Variants in NIN observed in about 807,000 individuals in gnomAD.
The protein encoded by NIN is ninein.
A neutral mutation model predicts 257.6 loss-of-function variants in NIN; 137 were observed. The ratio of observed to expected loss-of-function variants is 0.53; its 90% CI spans 0.46 to 0.61. The LOEUF is 0.61. NIN is among the 20% of genes least tolerant of loss of function. The pLI is 0.00. For missense variants in NIN, 2,439 were observed against 2,501.2 expected, an observed-to-expected ratio of 0.98 and a Z score of 0.53; for synonymous variants, 918 against 919.8, an observed-to-expected ratio of 1.00 and a Z score of 0.04.
At position 50,754,799 on chromosome 14, in the gene NIN, T is replaced by C. The variant is rs750540027; in HGVS notation, c.4607A>G (p.Glu1536Gly). The C allele has an allele frequency of 6.9e-6, 11 of 1,583,376 alleles. No individual in the cohort carries two copies. Among genetic ancestry groups the C allele is most frequent in the Non-Finnish European group, 9.5e-6 (11 of 1,161,732 alleles). ...LRNEITTLNE[E>G]DSISNLKLGT... ...TAATTTCAGGTTAGAAATGCTATCT[T>C]CTTCATTTAAAGTAGTAATTTCATT... The change falls in exon 19 of 31, where the codon GAA becomes GGA. Residue 1536 changes from glutamate (E) to glycine (G), a missense_variant. Transcript: ENST00000530997.
chr14:50,785,574 C>T (rs897407169), intron 5 of NIN, among the ~76,000 whole-genome samples: 5 of 152,170 alleles, frequency 3.3e-5, no homozygotes, highest in African/African-American at 1.2e-4. Flanking sequence ...CCCAAACAAA[C>T]TGAGCTGTAG....
intron 5 of NIN, among the ~76,000 whole-genome samples, chr14:50,787,756 C>T (rs749243919): frequency 2.0e-5 from 3 of 152,186 alleles, no homozygotes; most frequent in Non-Finnish European, 4.4e-5. Flanking sequence ...CTACCTGTCA[C>T]TTATGAATTA....
intron 5 of NIN, among the ~76,000 whole-genome samples, chr14:50,788,352 T>G (rs2043434374): frequency 6.6e-6 from 1 of 152,310 alleles, no homozygotes; most frequent in East Asian, 1.9e-4. Flanking sequence ...ACAGTGGACT[T>G]ACATTAAATA....
intron 3 of NIN, among the ~76,000 whole-genome samples, chr14:50,816,252 GATGCCAGGCTTA>G (rs1419387969): frequency 6.6e-6 from 1 of 152,096 alleles, no homozygotes; most frequent in Non-Finnish European, 1.5e-5. Flanking sequence ...ATTGCTAATG[GATGCCAGGCTTA>G]ATACCTAGGT....
At chr14:50,725,422 C>T (rs1211683474) in intron 30 of NIN, among the ~76,000 whole-genome samples, 1 of 152,116 alleles carries the variant, frequency 6.6e-6, no homozygotes, top group Admixed American at 6.6e-5. Flanking sequence ...GGTCTAGATT[C>T]TAACTCAAAG....
At chr14:50,730,717 A>G (rs572018667) in intron 28 of NIN, among the ~76,000 whole-genome samples, 1 of 152,362 alleles carries the variant, frequency 6.6e-6, no homozygotes, top group South Asian at 2.1e-4. Context: ...ATTTTATATC[A>G]GTGGGATAAT....
At chr14:50,759,555 G>A (rs1024567970) in intron 17 of NIN, among the ~76,000 whole-genome samples, 2 of 151,172 alleles carry the variant, frequency 1.3e-5, no homozygotes, top group Non-Finnish European at 2.9e-5. Context: ...GTGCAGTAGC[G>A]CGATCTCGGC....
chr14:50,760,406 C>G (rs775476298), intron 16 of NIN, 47 bp from the exon 17 acceptor site: 2 of 1,059,978 alleles, frequency 1.9e-6, no homozygotes, highest in Non-Finnish European at 2.7e-6. Context: ...AGCTCAAGGT[C>G]ACTGAAAGTG....
At chr14:50,726,622 T>A (rs551185252) in intron 29 of NIN, among the ~76,000 whole-genome samples, 2 of 152,354 alleles carry the variant, frequency 1.3e-5, no homozygotes, top group Admixed American at 1.3e-4. Flanking sequence ...TTCCCACTTG[T>A]AAATGTGAAG....
At chr14:50,725,041 C>G (rs1311967702) in intron 30 of NIN, among the ~76,000 whole-genome samples, 5 of 152,152 alleles carry the variant, frequency 3.3e-5, no homozygotes, top group Non-Finnish European at 2.9e-5. Flanking sequence ...GGACCTGGCC[C>G]ACAGTAACTA....
chr14:50,757,835 G>T lies in NIN; in HGVS notation c.3195C>A (p.Asp1065Glu), dbSNP rs374552297. 3.1e-6 allele frequency: 5 copies of T among 1,613,970 alleles called. No homozygotes were observed. The highest frequency in any genetic ancestry group is 4.2e-6 in the Non-Finnish European group (5 of 1,180,038). Residue 1065 changes from aspartate (D) to glutamate (E), a missense_variant, in exon 18 of 31, where the codon GAC becomes GAA. Transcript: ENST00000530997. ...GAGCTCTCTGCAGGCTTAAGAGGAC[G>T]TCCCCATTTTCTTCCAACAGCTGCT... ...QGEQLLEENG[D>E]VLLSLQRAHE...
intron 18 of NIN, among the ~76,000 whole-genome samples, chr14:50,755,687 CAG>C (rs2041996298): frequency 8.9e-6 from 1 of 112,298 alleles, no homozygotes; most frequent in Non-Finnish European, 1.7e-5. Flanking sequence ...TTAAAAGAGA[CAG>C]GGTCTCACTC....
rs749619561 is a variant in NIN, at chr14:50,729,599, A to G, written c.6002T>C (p.Leu2001Pro). The G allele has an allele frequency of 3.1e-6, 5 of 1,614,114 alleles. No individual in the cohort carries two copies. Among genetic ancestry groups the G allele is most frequent in the Non-Finnish European group, 4.2e-6 (5 of 1,179,992 alleles). ...CTGGTTTATCCTTTCTGCCTGCAGC[A>G]GCTGGCGTTGAAGCTGCAGAAACTG... ...REQFLQLQRQ[L>P]LQAERINQHL... Residue 2001 changes from leucine to proline, a missense_variant, in exon 29 of 31, where the codon CTG becomes CCG. Leu to Pro is a moderately conservative substitution (Grantham distance 98, BLOSUM62 -3). This residue lies in a region of NIN where 2,043 missense variants were observed against 2,050.2 expected (regional missense o/e 1.00). Coordinates refer to ENST00000530997, the MANE Select transcript of NIN (RefSeq NM_020921.4).
At chr14:50,799,030 C>A (rs1025811319) in intron 4 of NIN, among the ~76,000 whole-genome samples, 2 of 152,214 alleles carry the variant, frequency 1.3e-5, no homozygotes, top group Admixed American at 6.5e-5. Context: ...TCTGCCTCGG[C>A]CTCCCAAAGT....
intron 27 of NIN, among the ~76,000 whole-genome samples, 176 bp downstream of exon 27, chr14:50,737,964 C>T (rs1485475582): frequency 2.0e-5 from 3 of 152,070 alleles, no homozygotes; most frequent in Non-Finnish European, 4.4e-5. Context: ...TTTTTTCAAC[C>T]ATTATTCAAT....
Position 50,757,687 on chromosome 14 carries a change from A to G in NIN, c.3343T>C (p.Phe1115Leu), listed in dbSNP as rs1311202621. 1 of 1,613,946 alleles carries G rather than the reference A, an allele frequency of 6.2e-7. No individual in the cohort carries two copies. Among genetic ancestry groups the G allele is most frequent in the Non-Finnish European group, 8.5e-7 (1 of 1,179,984 alleles). Reference protein sequence around the residue: ...SSCLDEPATEFFGNTAEQTEQ... With the variant: ...SSCLDEPATELFGNTAEQTEQ... ...GTTTGTTCCGCAGTATTTCCAAAAA[A>G]CTCAGTAGCTGGCTCATCCAAACAA... is the stretch of plus-strand genomic sequence containing the variant. Residue 1115 changes from phenylalanine (F) to leucine (L), a missense_variant, in exon 18 of 31, where the codon TTT (phenylalanine) becomes CTT (leucine). By Grantham distance (22) the Phe-to-Leu change is conservative. Coordinates refer to ENST00000530997, the MANE Select transcript of NIN (RefSeq NM_020921.4).
At chr14:50,727,161 CAAAA>C (rs990332422) in intron 29 of NIN, 8 of 642,298 alleles carry the variant, frequency 1.2e-5, no homozygotes, top group Non-Finnish European at 1.5e-5. Flanking sequence ...CAAAGCAAAA[CAAAA>C]AAAAAGATAA....
chr14:50,758,098 G>A lies in NIN; in HGVS notation c.2932C>T (p.Gln978Ter). 6.2e-7 allele frequency: 1 copy of A among 1,614,166 alleles called. No individual in the cohort carries two copies. ...RLERLEMEHD[Q>*]ERQEMMSKLL... Reference sequence around the variant, plus strand: ...TTGGACATCATTTCCTGCCTTTCCTGGTCATGTTCCATTTCTAGTCTTTCC... The same window carrying A: ...TTGGACATCATTTCCTGCCTTTCCTAGTCATGTTCCATTTCTAGTCTTTCC... The change falls in exon 18 of 31, where the codon CAG (glutamine) becomes TAG (stop). Residue 978 changes from glutamine (Q) to a stop codon, truncating the protein, a stop_gained. Transcript: ENST00000530997. LOFTEE classifies it high-confidence loss of function.
At chr14:50,824,487 A>G (rs2045375546) in intron 2 of NIN, among the ~76,000 whole-genome samples, 1 of 152,228 alleles carries the variant, frequency 6.6e-6, no homozygotes, top group African/African-American at 2.4e-5. Flanking sequence ...GATGTTACGC[A>G]TGGTGACAAG....
Sources: allele counts gnomAD v4.1 joint callset (sites outside exome capture counted in the v4.1 genomes callset), GRCh38; gene constraint gnomAD v4.1.1; regional missense constraint gnomAD v4.1.1; transcripts MANE v1.5; gene names NCBI Gene and HGNC (gene_info 2026-07-23, HGNC 2026-07-21).